Variants in NUMB observed in about 807,000 individuals in gnomAD.
The protein encoded by NUMB is NUMB endocytic adaptor protein, also known as protein numb homolog.
A neutral mutation model predicts 59.7 loss-of-function variants in NUMB; 29 were observed. The observed-to-expected ratio is 0.49, with a 90% CI of 0.36 to 0.66. NUMB has a LOEUF of 0.66. Among genes scored for constraint, NUMB ranks in the 30% least tolerant of loss-of-function variants. The probability of loss-of-function intolerance (pLI) is 0.00; values close to 1 mark genes in which losing one functional copy is unlikely to be tolerated. For synonymous variants in NUMB, 288 were observed against 288.2 expected (o/e 1.00, Z 0.01); for missense variants, 723 against 822.0 (o/e 0.88, Z 1.47).
At chr14:73,340,423 C>A (rs1005216024) in intron 4 of NUMB, among the ~76,000 whole-genome samples, 3 of 152,190 alleles carry the variant, frequency 2.0e-5, no homozygotes, top group Admixed American at 6.6e-5. Context: ...TTCCCCTCCC[C>A]CAGTGTGCCT....
intron 2 of NUMB, among the ~76,000 whole-genome samples, chr14:73,408,943 T>C (rs1896796195): frequency 6.6e-6 from 1 of 152,020 alleles, no homozygotes; most frequent in Admixed American, 6.6e-5. Context: ...TATTTCTGTT[T>C]AGACATCTTA....
intron 1 of NUMB, among the ~76,000 whole-genome samples, chr14:73,438,942 G>GA (rs1882823652): frequency 2.0e-5 from 3 of 152,010 alleles, no homozygotes; most frequent in African/African-American, 7.2e-5. Flanking sequence ...TTCATTAAAG[G>GA]AAAAAACCAT....
chr14:73,289,652 A>T (rs1018448703), intron 8 of NUMB, among the ~76,000 whole-genome samples: 1 of 152,222 alleles, frequency 6.6e-6, no homozygotes, highest in Non-Finnish European at 1.5e-5. Flanking sequence ...ACCTTTGACT[A>T]CTTTTTAAAA....
At chr14:73,332,775 A>T (rs1892061281) in intron 4 of NUMB, among the ~76,000 whole-genome samples, 1 of 34,368 alleles carries the variant, frequency 2.9e-5, no homozygotes, top group African/African-American at 1.9e-4. Flanking sequence ...GCCCCTCCCC[A>T]CAGCCCCCGG....
At chr14:73,376,690 A>G (rs963831895) in intron 2 of NUMB, among the ~76,000 whole-genome samples, 2 of 152,198 alleles carry the variant, frequency 1.3e-5, no homozygotes, top group Non-Finnish European at 2.9e-5. Context: ...AAATAGATCA[A>G]TGGAACTCAG....
rs1365848388 is a variant in NUMB, at chr14:73,323,102, T to C, written c.201+28A>G. ...TAAGAAAATATTGATAGCATATAGA[T>C]CAACACTGGCAACCATCAAATACAT... On this transcript the variant is annotated intron_variant, in intron 5 of 12. Coordinates refer to ENST00000555238, the MANE Select transcript of NUMB (RefSeq NM_001005743.2). The C allele has an allele frequency of 1.9e-6, 3 of 1,554,868 alleles. No homozygotes were observed. In the East Asian group the frequency reaches 6.7e-5, roughly 35 times the overall value.
At chr14:73,389,911 C>T (rs886293646) in intron 2 of NUMB, among the ~76,000 whole-genome samples, 1 of 151,980 alleles carries the variant, frequency 6.6e-6, no homozygotes, top group African/African-American at 2.4e-5. Flanking sequence ...ACCAAAAGAC[C>T]ACCAAAAGTT....
At chr14:73,286,410 T>C (rs1889007826) in intron 9 of NUMB, 3 of 152,266 alleles carry the variant, frequency 2.0e-5, no homozygotes, top group Admixed American at 2.0e-4. Context: ...ACCCTACTTA[T>C]ATACAAGAAT....
intron 2 of NUMB, among the ~76,000 whole-genome samples, chr14:73,403,704 C>T (rs1191319351): frequency 3.3e-5 from 5 of 152,106 alleles, no homozygotes; most frequent in African/African-American, 1.2e-4. Flanking sequence ...GCCTGTAATC[C>T]CAGCACTTTG....
chr14:73,456,677 A>C (rs1454212583), intron 1 of NUMB, among the ~76,000 whole-genome samples: 1 of 152,266 alleles, frequency 6.6e-6, no homozygotes, highest in Non-Finnish European at 1.5e-5. Flanking sequence ...AGTATCCTTT[A>C]TAATAGGATC....
intron 2 of NUMB, among the ~76,000 whole-genome samples, chr14:73,400,368 C>A (rs979951147): frequency 3.3e-5 from 5 of 152,234 alleles, no homozygotes; most frequent in Middle Eastern, 3.4e-3. Context: ...ATTACATTTG[C>A]CAAAATCCTT....
At chr14:73,282,214 T>A in intron 11 of NUMB, 145 bp downstream of exon 11, 3 of 646,056 alleles carry the variant, frequency 4.6e-6, no homozygotes, top group Non-Finnish European at 7.4e-6. Context: ...AATGGAGAAA[T>A]CAATGAATCT....
At chr14:73,405,608 G>A (rs1351984065) in intron 2 of NUMB, among the ~76,000 whole-genome samples, 2 of 151,742 alleles carry the variant, frequency 1.3e-5, no homozygotes, top group Non-Finnish European at 2.9e-5. Context: ...CAGCAGCTTG[G>A]GAAAACTCCA....
chr14:73,284,447 C>T lies in NUMB; in HGVS notation c.656-73G>A, dbSNP rs1435332992. ...TTTGCGTTTAGAGAGCTGACAAATTCGAAAGCCCTCTAGGTCCTTTTACCC... is the reference window on the plus strand; with the variant it reads ...TTTGCGTTTAGAGAGCTGACAAATTTGAAAGCCCTCTAGGTCCTTTTACCC... On this transcript the variant is annotated intron_variant, in intron 9 of 12. Transcript: ENST00000555238. The T allele has an allele frequency of 2.4e-5, 31 of 1,307,820 alleles. No homozygotes were observed. In the East Asian group the frequency reaches 5.8e-4, roughly 24 times the overall value. The allele number at this position is 1,307,820 out of a possible 1,614,324, so 81.0% of individuals were successfully genotyped here.
At chr14:73,422,645 G>GT (rs1262028473) in intron 1 of NUMB, among the ~76,000 whole-genome samples, 2 of 152,076 alleles carry the variant, frequency 1.3e-5, no homozygotes, top group Non-Finnish European at 2.9e-5. Flanking sequence ...GGAAGGCCAA[G>GT]TGGGAGGAGG....
intron 4 of NUMB, among the ~76,000 whole-genome samples, chr14:73,339,886 G>C (rs1228325103): frequency 6.6e-6 from 1 of 152,150 alleles, no homozygotes; most frequent in African/African-American, 2.4e-5. Context: ...AACCTTCACA[G>C]GGCAGGCTCC....
intron 5 of NUMB, among the ~76,000 whole-genome samples, chr14:73,318,155 G>A (rs9323581): frequency 0.74 from 112,095 of 152,112 alleles, 41,431 homozygotes; most frequent in East Asian, 0.84. Flanking sequence ...TCAAGGATGC[G>A]GCCAAAGTTA....
rs34429117 is a variant in NUMB, at chr14:73,307,728, C to CTTT, written c.234+8659_234+8661dup. ...TGAAGCAACATAATCGGGCCTCTGT[C>CTTT]TTTTTTTTTTTTTTTTTTTTTTGAG... is the stretch of plus-strand genomic sequence containing the variant. On this transcript the variant is annotated intron_variant, in intron 6 of 12. Transcript: ENST00000555238. 7.6e-3 allele frequency among the ~76,000 whole-genome samples: 721 copies of CTTT among 95,468 alleles called. 21 individuals carry two copies. Among genetic ancestry groups the CTTT allele is most frequent in the Middle Eastern group, 0.026 (4 of 154 alleles). The allele number at this position is 95,468 out of a possible 152,430, so 62.6% of individuals were successfully genotyped here. A position where few individuals can be genotyped will look rare whatever the true frequency, so the allele number is the denominator to read the frequency against.
At chr14:73,437,903 C>T (rs769843386) in intron 1 of NUMB, among the ~76,000 whole-genome samples, 11 of 152,148 alleles carry the variant, frequency 7.2e-5, no homozygotes, top group Non-Finnish European at 1.5e-4. Flanking sequence ...CAGGAATAAG[C>T]AACTTCACTT....
Sources: gnomAD v4.1 joint callset for allele counts (sites outside exome capture counted in the v4.1 genomes callset) on GRCh38, gnomAD v4.1.1 for gene constraint, MANE v1.5 for transcripts, NCBI Gene and HGNC (gene_info 2026-07-23, HGNC 2026-07-21) for gene names.